The following CD8A variants were observed in gnomAD, a reference collection of about 807,000 sequenced individuals.
The protein encoded by CD8A is T-cell surface glycoprotein CD8 alpha chain.
A neutral mutation model predicts 24.2 loss-of-function variants in CD8A; 25 were observed. The observed-to-expected ratio is 1.03, with a 90% CI of 0.75 to 1.44. The LOEUF is 1.44. Ranked by LOEUF, CD8A falls within the 40% of genes most tolerant of loss-of-function variation. CD8A has a pLI of 0.00. For missense variants in CD8A, 360 were observed against 319.7 expected, an observed-to-expected ratio of 1.13 and a Z score of -0.96; for synonymous variants, 165 against 149.9, an observed-to-expected ratio of 1.10 and a Z score of -0.74.
chr2:86,787,898 A>AGAGAGAGAGAGAGTGTGTGT (rs369993109), intron 5 of CD8A, among the ~76,000 whole-genome samples: 6 of 144,490 alleles, frequency 4.2e-5, no homozygotes, highest in African/African-American at 1.3e-4. Flanking sequence ...AGAGAGAGAG[A>AGAGAGAGAGAGAGTGTGTGT]GTGTGTGTGT....
intron 2 of CD8A, among the ~76,000 whole-genome samples, chr2:86,805,929 TTCTC>T (rs555767455): frequency 1.1e-3 from 170 of 151,844 alleles, no homozygotes; most frequent in Non-Finnish European, 1.3e-3. Flanking sequence ...TTTTCTTTCT[TTCTC>T]TCTCTCTCTT....
chr2:86,807,953 T>G (rs6755452), intron 1 of CD8A, among the ~76,000 whole-genome samples: 43,408 of 151,982 alleles, frequency 0.29, 7,357 homozygotes, highest in African/African-American at 0.47. Context: ...AGACAGGGTC[T>G]GCTGTAGAGG....
intron 3 of CD8A, among the ~76,000 whole-genome samples, chr2:86,796,633 C>T (rs1342393648): frequency 6.6e-6 from 1 of 152,188 alleles, no homozygotes; most frequent in East Asian, 1.9e-4. Flanking sequence ...CCAATGATCC[C>T]ATAGAGTTGA....
chr2:86,787,081 CTT>C (rs759881985), intron 5 of CD8A, among the ~76,000 whole-genome samples: 3 of 91,884 alleles, frequency 3.3e-5, no homozygotes, highest in African/African-American at 8.4e-5. Context: ...TCCCCCCCCA[CTT>C]TTTTTTTTTT....
At chr2:86,807,269 C>T (rs1673940397) in intron 2 of CD8A, among the ~76,000 whole-genome samples, 1 of 152,084 alleles carries the variant, frequency 6.6e-6, no homozygotes, top group South Asian at 2.1e-4. Context: ...TGTAGTGAGC[C>T]GTGATTGCAC....
chr2:86,791,362 A>G, upstream of CD8A: 1 of 374,516 alleles, frequency 2.7e-6, no homozygotes, highest in Non-Finnish European at 5.2e-6. Context: ...GGAACTCGCT[A>G]GAGCAGCCCC....
chr2:86,791,016 T>G, upstream of CD8A: 1 of 733,460 alleles, frequency 1.4e-6, no homozygotes, highest in Non-Finnish European at 2.4e-6. Context: ...GGTTGTCGCC[T>G]TCCAGCCCGG....
chr2:86,791,608 T>A (rs1175234404), upstream of CD8A: 3 of 454,086 alleles, frequency 6.6e-6, no homozygotes, highest in East Asian at 2.1e-4. Flanking sequence ...ATAAAAATTA[T>A]TATTCTCACA....
intron 1 of CD8A, chr2:86,807,900 G>C (rs1162859836): frequency 6.5e-6 from 1 of 153,982 alleles, no homozygotes; most frequent in Non-Finnish European, 1.4e-5. Flanking sequence ...GACAAGAAAC[G>C]GCAGCAGTGT....
chr2:86,792,091 T>G (rs2104444695), upstream of CD8A, among the ~76,000 whole-genome samples: 1 of 152,266 alleles, frequency 6.6e-6, no homozygotes, highest in East Asian at 1.9e-4. Context: ...CAGGCTGGCC[T>G]TGGGACTCCT....
chr2:86,808,220 G>A (rs947504987), exon 1 of CD8A: 4 of 152,460 alleles, frequency 2.6e-5, no homozygotes, highest in Middle Eastern at 3.2e-3. Flanking sequence ...CTGGGCAGGG[G>A]GCAGAGCTCA....
chr2:86,803,016 A>G (rs548610818), intron 2 of CD8A, among the ~76,000 whole-genome samples: 1 of 152,300 alleles, frequency 6.6e-6, no homozygotes, highest in African/African-American at 2.4e-5. Flanking sequence ...CAAAATTGAT[A>G]TATTATTTAT....
rs1176040178 is a variant in CD8A, at chr2:86,790,850, G to A, written c.-25C>T. Reference sequence around the variant, plus strand: ...TGACGCGCTCCCCAGGACGCTGCTTGGCTCGAAGCTCGGGCGCGAGGGGAG... The same window carrying A: ...TGACGCGCTCCCCAGGACGCTGCTTAGCTCGAAGCTCGGGCGCGAGGGGAG... On this transcript the variant is annotated 5_prime_UTR_variant, in exon 1 of 6. Transcript: ENST00000283635. The A allele has an allele frequency of 2.6e-6, 4 of 1,538,032 alleles. No homozygotes were observed. The highest frequency in any genetic ancestry group is 1.7e-4 in the Middle Eastern group (1 of 5,982).
chr2:86,786,796 G>A (rs1221663208), intron 5 of CD8A, among the ~76,000 whole-genome samples: 4 of 151,884 alleles, frequency 2.6e-5, no homozygotes, highest in Non-Finnish European at 2.9e-5. Context: ...CAAGGCGGGC[G>A]GATCACGAGG....
chr2:86,797,617 C>T (rs927008569), intron 3 of CD8A, among the ~76,000 whole-genome samples: 1 of 152,136 alleles, frequency 6.6e-6, no homozygotes, highest in African/African-American at 2.4e-5. Flanking sequence ...AGGGCAATGT[C>T]AGATGAAGTG....
rs774972608 is a variant in CD8A, at chr2:86,789,363, G to A, written c.585C>T (p.Val195=). 2.5e-6 allele frequency: 4 copies of A among 1,613,664 alleles called. No homozygotes were observed. The highest frequency in any genetic ancestry group is 3.3e-5 in the Admixed American group (2 of 60,026). ...IWAPLAGTCG[V]LLLSLVITLY... is the part of the protein sequence containing the mutation. ...GGGTGATAACCAGTGACAGGAGAAG[G>A]ACCCCACAAGTCCCGGCCAAGGGCG... Residue 195 remains valine (V), a synonymous_variant, in exon 4 of 6, where the codon GTC becomes GTT. Transcript: ENST00000283635.
rs767110930 is a variant in CD8A at position 86,785,739 on chromosome 2, T to A, written c.*181A>T. 1.3e-6 allele frequency: 1 copy of A among 756,014 alleles called. No homozygotes were observed. The highest frequency in any genetic ancestry group is 2.4e-6 in the Non-Finnish European group (1 of 410,048). 46.8% of individuals were successfully genotyped at this position (756,014 alleles called of 1,614,324 possible). A position where few individuals can be genotyped will look rare whatever the true frequency, so the allele number is the denominator to read the frequency against. On this transcript the variant is annotated 3_prime_UTR_variant, in exon 6 of 6. Transcript: ENST00000283635. ...CTTGTGGTGTACTGTAGATTTTACC[T>A]AGTTTTGTTTCCCGTCAAACACATA...
At chr2:86,794,694 C>G (rs1426357388), upstream of CD8A, among the ~76,000 whole-genome samples, 1 of 152,120 alleles carries the variant, frequency 6.6e-6, no homozygotes, top group Non-Finnish European at 1.5e-5. Flanking sequence ...TAGAGAAAAT[C>G]TCATCATGCC....
In CD8A at chr2:86,797,104, C is replaced by T. The variant is rs546701188; in HGVS notation, c.-271+4407G>A. 1.4e-4 allele frequency among the ~76,000 whole-genome samples: 21 copies of T among 152,240 alleles called. No homozygotes were observed. The South Asian group carries it at 1.9e-3, about 14-fold the overall frequency. On this transcript the variant is annotated intron_variant, in intron 3 of 8. Transcript: ENST00000409511. ...GACCTAGATGGATCCCCCGGTGTTT[C>T]GGTAACAAAATTGTTTTGGATCTTT...
Sources: gnomAD v4.1 joint callset for allele counts (sites outside exome capture counted in the v4.1 genomes callset) on GRCh38, gnomAD v4.1.1 for gene constraint, MANE v1.5 for transcripts, NCBI Gene and HGNC (gene_info 2026-07-23, HGNC 2026-07-21) for gene names.